CCDC87: variants seen among roughly 807,000 people sequenced by gnomAD.
CCDC87 encodes the protein coiled-coil domain-containing protein 87.
For synonymous variants in CCDC87, 434 were observed against 440.2 expected (o/e 0.99, Z 0.18); for missense variants, 1,072 against 1,041.7 (o/e 1.03, Z -0.40).
chr11:66,593,032 A>G lies in CCDC87; in HGVS notation c.-17T>C. The G allele has an allele frequency of 6.6e-7, 1 of 1,506,348 alleles. No homozygotes were observed. The highest frequency in any genetic ancestry group is 8.9e-7 in the Non-Finnish European group (1 of 1,129,896). The allele number at this position is 1,506,348 out of a possible 1,614,324, so 93.3% of individuals were successfully genotyped here. The stretch of plus-strand genomic sequence containing the variant: ...CTCCATCATAGAGCCGGCGGCCGCC[A>G]CCGTCCAGGAACAGAAAGCCGAGGG... On this transcript the variant is annotated 5_prime_UTR_variant, in exon 1 of 1. Transcript: ENST00000333861.
rs748214053 is a variant in CCDC87 at position 66,591,799 on chromosome 11, T to G, written c.1217A>C (p.Gln406Pro). The change falls in exon 1 of 1, where the codon CAG becomes CCG. Residue 406 changes from glutamine (Q) to proline (P), a missense_variant. Coordinates refer to ENST00000333861, the MANE Select transcript of CCDC87 (RefSeq NM_018219.3). The stretch of plus-strand genomic sequence containing the variant: ...CCACTGCCCAGAGGCTTCTTCCTCC[T>G]GGAGGTTCCTCAACATCTTCTCCAG... ...EELEKMLRNLQEEEASGQWDP... is the reference protein window; with the variant it reads ...EELEKMLRNLPEEEASGQWDP... 1.5e-5 allele frequency: 25 copies of G among 1,613,390 alleles called. No homozygotes were observed. In the East Asian group the frequency reaches 5.6e-4, roughly 36 times the overall value.
In CCDC87 at chr11:66,591,537, C is replaced by T. The variant is rs1858357203; in HGVS notation, c.1479G>A (p.Glu493=). 1 of 1,614,162 alleles carries T rather than the reference C, an allele frequency of 6.2e-7. No individual in the cohort carries two copies. The highest frequency in any genetic ancestry group is 1.1e-5 in the South Asian group (1 of 91,082). The change falls in exon 1 of 1, where the codon GAG becomes GAA. Residue 493 remains glutamate, a synonymous_variant. Transcript: ENST00000333861. ...IDNFVGSTTR[E]VYKELMSHVS... ...CATGGCTCATCAACTCCTTGTAGACCTCCCTGGTAGTACTGCCAACAAAGT... is the reference window on the plus strand; with the variant it reads ...CATGGCTCATCAACTCCTTGTAGACTTCCCTGGTAGTACTGCCAACAAAGT...
rs748273061 is a variant in CCDC87 at position 66,590,734 on chromosome 11, T to G, written c.2282A>C (p.His761Pro). The G allele has an allele frequency of 1.9e-6, 3 of 1,613,610 alleles. No individual in the cohort carries two copies. The South Asian group carries it at 3.3e-5, about 18-fold the overall frequency. The change falls in exon 1 of 1, where the codon CAC becomes CCC. Residue 761 changes from histidine (H) to proline (P), a missense_variant. Coordinates refer to ENST00000333861, the MANE Select transcript of CCDC87 (RefSeq NM_018219.3). ...FFKKTNLSSS[H>P]FLEENQVRSH... ...TCGGACCTGATTCTCCTCCAGGAAG[T>G]GACTGGAGCTCAAGTTGGTCTTTTT... is the stretch of plus-strand genomic sequence containing the variant.
Position 66,592,787 on chromosome 11 carries a change from G to T in CCDC87, c.229C>A (p.Pro77Thr). The part of the protein sequence containing the change: ...AGSGIAAGVP[P>T]EARLRLIKVI... ...TTGATGAGACGTAGTCGGGCCTCAG[G>T]AGGCACTCCCGCTGCTATCCCGCTG... Residue 77 changes from proline (P) to threonine (T), a missense_variant, in exon 1 of 1, where the codon CCT (proline) becomes ACT (threonine). Physicochemically the swap from Pro to Thr is conservative, Grantham distance 38 (BLOSUM62 -1). Coordinates refer to ENST00000333861, the MANE Select transcript of CCDC87 (RefSeq NM_018219.3). The T allele has an allele frequency of 6.2e-7, 1 of 1,610,432 alleles. No homozygotes were observed.
chr11:66,591,657 G>A lies in CCDC87; in HGVS notation c.1359C>T (p.Phe453=), dbSNP rs764907584. 1 of 1,613,934 alleles carries A rather than the reference G, an allele frequency of 6.2e-7. No homozygotes were observed. Among genetic ancestry groups the A allele is most frequent in the Non-Finnish European group, 8.5e-7 (1 of 1,180,022 alleles). Residue 453 remains phenylalanine, a synonymous_variant, in exon 1 of 1, where the codon TTC becomes TTT. Coordinates refer to ENST00000333861, the MANE Select transcript of CCDC87 (RefSeq NM_018219.3). ...AAAVRVSDRN[F]LDSFHIEGAG... ...CCCCCTCAATGTGGAAAGAGTCTAA[G>A]AAGTTTCTATCAGAGACCCGTACGG...
At position 66,592,147 on chromosome 11, in the gene CCDC87, G is replaced by C. The variant is rs1858378107; in HGVS notation, c.869C>G (p.Pro290Arg). The C allele has an allele frequency of 6.3e-7, 1 of 1,587,264 alleles. No individual in the cohort carries two copies. Among genetic ancestry groups the C allele is most frequent in the African/African-American group, 1.3e-5 (1 of 74,304 alleles). ...GGAAGCCCTGCTGGTGGGGGCCACAGGATAGCTGGGCAGCGACACCATCTG... is the reference window on the plus strand; with the variant it reads ...GGAAGCCCTGCTGGTGGGGGCCACACGATAGCTGGGCAGCGACACCATCTG... ...SSQMVSLPSY[P>R]VAPTSRASPS... The change falls in exon 1 of 1, where the codon CCT becomes CGT. Residue 290 changes from proline (P) to arginine (R), a missense_variant. Pro to Arg is a moderately radical substitution (Grantham distance 103, BLOSUM62 -2). Transcript: ENST00000333861.
chr11:66,593,011 A>T lies in CCDC87; in HGVS notation c.5T>A (p.Met2Lys). Residue 2 changes from methionine (M) to lysine (K), a missense_variant, in exon 1 of 1, where the codon ATG (methionine) becomes AAG (lysine). Transcript: ENST00000333861. The stretch of plus-strand genomic sequence containing the variant: ...CTCAGGCTCGGGCTTCGGGGGCTCC[A>T]TCATAGAGCCGGCGGCCGCCACCGT... M[M>K]EPPKPEPELQ... The T allele has an allele frequency of 2.6e-6, 4 of 1,510,654 alleles. No individual in the cohort carries two copies. The highest frequency in any genetic ancestry group is 3.5e-6 in the Non-Finnish European group (4 of 1,131,966). 93.6% of individuals were successfully genotyped at this position (1,510,654 alleles called of 1,614,324 possible). A position where few individuals can be genotyped will look rare whatever the true frequency, so the allele number is the denominator to read the frequency against.
chr11:66,591,255 T>G lies in CCDC87; in HGVS notation c.1761A>C (p.Ser587=). The G allele has an allele frequency of 6.2e-7, 1 of 1,614,232 alleles. No homozygotes were observed. Among genetic ancestry groups the G allele is most frequent in the Non-Finnish European group, 8.5e-7 (1 of 1,180,038 alleles). The change falls in exon 1 of 1, where the codon TCA becomes TCC. Residue 587 remains serine, a synonymous_variant. Transcript: ENST00000333861. The part of the protein sequence containing the change: ...KWSNKASLMN[S]WKTTLSVDDY... Reference sequence around the variant, plus strand: ...CATCCACAGACAAGGTGGTTTTCCATGAGTTCATCAAGGAGGCCTTGTTTG... The same window carrying G: ...CATCCACAGACAAGGTGGTTTTCCAGGAGTTCATCAAGGAGGCCTTGTTTG...
At position 66,592,558 on chromosome 11, in the gene CCDC87, C is replaced by A. The variant is rs150149433; in HGVS notation, c.458G>T (p.Arg153Leu). ...GVFTESATLT[R>L]LAASLARDCT... Reference sequence around the variant, plus strand: ...GTCCCTGGCGAGGCTGGCGGCCAACCGGGTGAGGGTGGCTGATTCAGTGAA... The same window carrying A: ...GTCCCTGGCGAGGCTGGCGGCCAACAGGGTGAGGGTGGCTGATTCAGTGAA... Residue 153 changes from arginine (R) to leucine (L), a missense_variant, in exon 1 of 1, where the codon CGG (arginine) becomes CTG (leucine). Coordinates refer to ENST00000333861, the MANE Select transcript of CCDC87 (RefSeq NM_018219.3). The A allele has an allele frequency of 1.2e-6, 2 of 1,613,056 alleles. No homozygotes were observed. Among genetic ancestry groups the A allele is most frequent in the Non-Finnish European group, 1.7e-6 (2 of 1,180,032 alleles).
rs1858371101 is a variant in CCDC87, at chr11:66,591,974, G to A, written c.1042C>T (p.Leu348=). ...LVLATESKPE[L]TGLIVAEDLK... is the part of the protein sequence containing the mutation. ...TCCTCAGCCACGATGAGCCCAGTCA[G>A]CTCTGGTTTGCTCTCTGTAGCCAAG... is the stretch of plus-strand genomic sequence containing the variant. Residue 348 remains leucine (L), a synonymous_variant, in exon 1 of 1, where the codon CTG becomes TTG. Coordinates refer to ENST00000333861, the MANE Select transcript of CCDC87 (RefSeq NM_018219.3). 1 of 1,613,806 alleles carries A rather than the reference G, an allele frequency of 6.2e-7. No homozygotes were observed. The highest frequency in any genetic ancestry group is 1.1e-5 in the South Asian group (1 of 91,090).
Position 66,591,528 on chromosome 11 carries a change from C to T in CCDC87, c.1488G>A (p.Lys496=). ...CAGAAGAGACATGGCTCATCAACTCCTTGTAGACCTCCCTGGTAGTACTGC... is the reference window on the plus strand; with the variant it reads ...CAGAAGAGACATGGCTCATCAACTCTTTGTAGACCTCCCTGGTAGTACTGC... ...FVGSTTREVY[K]ELMSHVSSDH... The change falls in exon 1 of 1, where the codon AAG becomes AAA. Residue 496 remains lysine, a synonymous_variant. Transcript: ENST00000333861. The T allele has an allele frequency of 6.2e-7, 1 of 1,614,164 alleles. No homozygotes were observed. The highest frequency in any genetic ancestry group is 8.5e-7 in the Non-Finnish European group (1 of 1,180,034).
rs746618032 is a variant in CCDC87, at chr11:66,592,137, G to C, written c.879C>G (p.Pro293=). ...MVSLPSYPVA[P]TSRASPSPFC... ...AAGGCGAGGGGGAAGCCCTGCTGGT[G>C]GGGGCCACAGGATAGCTGGGCAGCG... Residue 293 remains proline (P), a synonymous_variant, in exon 1 of 1, where the codon CCC becomes CCG. Coordinates refer to ENST00000333861, the MANE Select transcript of CCDC87 (RefSeq NM_018219.3). The C allele has an allele frequency of 6.3e-7, 1 of 1,584,506 alleles. No homozygotes were observed. Among genetic ancestry groups the C allele is most frequent in the East Asian group, 2.2e-5 (1 of 44,714 alleles).
In CCDC87 at chr11:66,591,340, T is replaced by C. The variant is rs759533299; in HGVS notation, c.1676A>G (p.Asn559Ser). The C allele has an allele frequency of 1.9e-6, 3 of 1,614,180 alleles. No individual in the cohort carries two copies. The highest frequency in any genetic ancestry group is 1.7e-5 in the Admixed American group (1 of 60,016). The change falls in exon 1 of 1, where the codon AAT (asparagine) becomes AGT (serine). Residue 559 changes from asparagine (N) to serine (S), a missense_variant. Physicochemically the swap from Asn to Ser is conservative, Grantham distance 46. Coordinates refer to ENST00000333861, the MANE Select transcript of CCDC87 (RefSeq NM_018219.3). ...TGGGAGGGAGGGCATCTTCTTAGTATTGGACTGTAAAGTGTTTGCTCTCTG... is the reference window on the plus strand; with the variant it reads ...TGGGAGGGAGGGCATCTTCTTAGTACTGGACTGTAAAGTGTTTGCTCTCTG... ...YSQRANTLQS[N>S]TKKMPSLPSL... is the part of the protein sequence containing the mutation.
At position 66,591,653 on chromosome 11, in the gene CCDC87, C is replaced by T; in HGVS notation, c.1363G>A (p.Asp455Asn). 6.2e-7 allele frequency: 1 copy of T among 1,613,934 alleles called. No homozygotes were observed. The highest frequency in any genetic ancestry group is 8.5e-7 in the Non-Finnish European group (1 of 1,180,022). ...AVRVSDRNFL[D>N]SFHIEGAGAL... ...CCGGCCCCCTCAATGTGGAAAGAGT[C>T]TAAGAAGTTTCTATCAGAGACCCGT... The change falls in exon 1 of 1, where the codon GAC (aspartate) becomes AAC (asparagine). Residue 455 changes from aspartate (D) to asparagine (N), a missense_variant. Coordinates refer to ENST00000333861, the MANE Select transcript of CCDC87 (RefSeq NM_018219.3).
In CCDC87 at chr11:66,592,650, C is replaced by T. The variant is rs893310467; in HGVS notation, c.366G>A (p.Leu122=). 6.2e-7 allele frequency: 1 copy of T among 1,613,848 alleles called. No individual in the cohort carries two copies. The highest frequency in any genetic ancestry group is 8.5e-7 in the Non-Finnish European group (1 of 1,179,980). Residue 122 remains leucine, a synonymous_variant, in exon 1 of 1, where the codon CTG becomes CTA. Transcript: ENST00000333861. ...LRKRLEAYVL[L]SSEQLFLRYL... ...AGCGCAAGAAGAGCTGCTCGCTGCT[C>T]AGCAGCACGTAGGCCTCGAGCCGCT... is the stretch of plus-strand genomic sequence containing the variant.
chr11:66,591,513 A>G lies in CCDC87; in HGVS notation c.1503T>C (p.His501=). ...CAAAATGTAAGTGGTCAGAAGAGACATGGCTCATCAACTCCTTGTAGACCT... is the reference window on the plus strand; with the variant it reads ...CAAAATGTAAGTGGTCAGAAGAGACGTGGCTCATCAACTCCTTGTAGACCT... ...TREVYKELMS[H]VSSDHLHFDQ... Residue 501 remains histidine (H), a synonymous_variant, in exon 1 of 1, where the codon CAT becomes CAC. Transcript: ENST00000333861. 1 of 1,614,202 alleles carries G rather than the reference A, an allele frequency of 6.2e-7. No homozygotes were observed. Among genetic ancestry groups the G allele is most frequent in the Non-Finnish European group, 8.5e-7 (1 of 1,180,036 alleles).
Position 66,591,165 on chromosome 11 carries a change from T to C in CCDC87, c.1851A>G (p.Glu617=), listed in dbSNP as rs547429570. 7.4e-6 allele frequency: 12 copies of C among 1,614,078 alleles called. No homozygotes were observed. In the South Asian group the frequency reaches 1.1e-4, roughly 15 times the overall value. ...CCACAATCTCCACAGGAACCTCTTC[T>C]TCATGCATTTGAAAGATGACATGAA... The part of the protein sequence containing the change: ...DFLHVIFQMH[E]EEVPVEIVAP... Residue 617 remains glutamate, a synonymous_variant, in exon 1 of 1, where the codon GAA becomes GAG. Coordinates refer to ENST00000333861, the MANE Select transcript of CCDC87 (RefSeq NM_018219.3).
Position 66,591,508 on chromosome 11 carries a change from G to C in CCDC87, c.1508C>G (p.Ser503Cys). The change falls in exon 1 of 1, where the codon TCT (serine) becomes TGT (cysteine). Residue 503 changes from serine to cysteine, a missense_variant. Transcript: ENST00000333861. Reference sequence around the variant, plus strand: ...TTGATCAAAATGTAAGTGGTCAGAAGAGACATGGCTCATCAACTCCTTGTA... The same window carrying C: ...TTGATCAAAATGTAAGTGGTCAGAACAGACATGGCTCATCAACTCCTTGTA... ...EVYKELMSHV[S>C]SDHLHFDQGP... The C allele has an allele frequency of 6.2e-7, 1 of 1,614,174 alleles. No homozygotes were observed.
rs141833535 is a variant in CCDC87 at position 66,591,764 on chromosome 11, G to A, written c.1252C>T (p.Pro418Ser). 4.0e-5 allele frequency: 65 copies of A among 1,613,618 alleles called. No homozygotes were observed. The African/African-American group carries it at 8.4e-4, about 21-fold the overall frequency. Reference protein sequence around the residue: ...EEASGQWDPQPPKSFPLHPQP... With the variant: ...EEASGQWDPQSPKSFPLHPQP... ...GGGTGAAGTGGAAAGGATTTGGGGG[G>A]CTGGGGGTCCCACTGCCCAGAGGCT... Residue 418 changes from proline to serine, a missense_variant, in exon 1 of 1, where the codon CCC (proline) becomes TCC (serine). Transcript: ENST00000333861.
Sources: allele counts gnomAD v4.1 joint callset, GRCh38; gene constraint gnomAD v4.1.1; transcripts MANE v1.5; gene names NCBI Gene and HGNC (gene_info 2026-07-23, HGNC 2026-07-21).